Variants in OR3A2 observed in about 807,000 individuals in gnomAD.
OR3A2 encodes olfactory receptor 3A2.
For missense variants in OR3A2, 318 were observed against 392.8 expected (o/e 0.81, Z 1.61); for synonymous variants, 126 against 159.3 (o/e 0.79, Z 1.57).
At chr17:3,313,043 T>C (rs1427932863) in intron 3 of OR3A2, among the ~76,000 whole-genome samples, 1 of 152,236 alleles carries the variant, frequency 6.6e-6, no homozygotes, top group Non-Finnish European at 1.5e-5. Flanking sequence ...TAGAGGGGAA[T>C]ATCATTTGCA....
At chr17:3,365,650 C>CA (rs1373660569) in intron 2 of OR3A2, among the ~76,000 whole-genome samples, 6 of 152,194 alleles carry the variant, frequency 3.9e-5, no homozygotes, top group African/African-American at 1.4e-4. Context: ...ACTTGGAACC[C>CA]AACACCTTGA....
At chr17:3,358,909 A>C (rs773398970) in intron 2 of OR3A2, among the ~76,000 whole-genome samples, 6 of 151,580 alleles carry the variant, frequency 4.0e-5, no homozygotes, top group Admixed American at 2.6e-4. Flanking sequence ...ATTGTTCAAG[A>C]GTCTATGTCT....
At chr17:3,315,519 AT>A (rs746829819) in intron 3 of OR3A2, among the ~76,000 whole-genome samples, 13 of 151,866 alleles carry the variant, frequency 8.6e-5, no homozygotes, top group Non-Finnish European at 1.8e-4. Context: ...TTCTTTGCCC[AT>A]TTTTTAATGA....
chr17:3,283,769 G>A (rs1224503132), intron 1 of OR3A2, among the ~76,000 whole-genome samples: 10 of 151,660 alleles, frequency 6.6e-5, no homozygotes, highest in Admixed American at 6.6e-4. Flanking sequence ...AAAACAATAC[G>A]GCCCTTAGGA....
rs754555293 is a variant in OR3A2, at chr17:3,367,742, C to A, written c.-179+16062G>T. On this transcript the variant is annotated intron_variant, in intron 2 of 4. Transcript: ENST00000573491. ...AAGTATCTTTTTCACATAATGACTT[C>A]TTTTCCTCTGGGTAGATACCCAGTA... is the stretch of plus-strand genomic sequence containing the variant. Among the ~76,000 whole-genome samples the A allele has an allele frequency of 1.3e-4, 19 of 151,928 alleles. 1 individual carries two copies. In the South Asian group the frequency reaches 3.7e-3, roughly 30 times the overall value.
chr17:3,305,575 A>G (rs1567548800), intron 3 of OR3A2, among the ~76,000 whole-genome samples: 2 of 148,616 alleles, frequency 1.3e-5, no homozygotes, highest in Non-Finnish European at 3.0e-5. Context: ...ACTTTGTTGT[A>G]TTATTATTCA....
chr17:3,301,205 C>A (rs1248632045), intron 3 of OR3A2, among the ~76,000 whole-genome samples: 1 of 152,052 alleles, frequency 6.6e-6, no homozygotes, highest in Non-Finnish European at 1.5e-5. Flanking sequence ...GGGTATATAC[C>A]CAGTAATGGG....
At chr17:3,347,915 T>G (rs1362432313) in intron 2 of OR3A2, among the ~76,000 whole-genome samples, 2 of 152,240 alleles carry the variant, frequency 1.3e-5, no homozygotes, top group Non-Finnish European at 2.9e-5. Flanking sequence ...TATTGCTTCC[T>G]GACTTTTTAA....
intron 2 of OR3A2, among the ~76,000 whole-genome samples, chr17:3,364,982 C>T (rs886932391): frequency 1.3e-5 from 2 of 150,826 alleles, no homozygotes; most frequent in Admixed American, 6.6e-5. Flanking sequence ...CATTATTACA[C>T]ATAGAGAATG....
chr17:3,289,146 T>C (rs1229465005), upstream of OR3A2, among the ~76,000 whole-genome samples: 1 of 152,206 alleles, frequency 6.6e-6, no homozygotes, highest in African/African-American at 2.4e-5. Flanking sequence ...AAGCTAAACA[T>C]GAAACTATTA....
intron 2 of OR3A2, among the ~76,000 whole-genome samples, chr17:3,362,910 A>C (rs1400649108): frequency 2.0e-5 from 3 of 151,990 alleles, no homozygotes; most frequent in Admixed American, 2.0e-4. Context: ...CACTCTCTGA[A>C]ACAATGGCCT....
intron 3 of OR3A2, among the ~76,000 whole-genome samples, chr17:3,312,899 C>T (rs2049055518): frequency 6.6e-6 from 1 of 152,196 alleles, no homozygotes; most frequent in Non-Finnish European, 1.5e-5. Context: ...GCTGAGATTA[C>T]AGGTGTGAGT....
At chr17:3,351,881 T>A (rs1033056420) in intron 2 of OR3A2, among the ~76,000 whole-genome samples, 3 of 151,888 alleles carry the variant, frequency 2.0e-5, no homozygotes, top group Non-Finnish European at 2.9e-5. Context: ...TAACACCGCA[T>A]ATCTACAACT....
chr17:3,376,756 C>T (rs891131595), intron 2 of OR3A2, among the ~76,000 whole-genome samples: 2 of 151,310 alleles, frequency 1.3e-5, no homozygotes, highest in African/African-American at 4.9e-5. Context: ...CCCTGCCTGC[C>T]TTATTACAGA....
rs1011348312 is a variant in OR3A2 at position 3,379,251 on chromosome 17, G to A, written c.-179+4553C>T. 1.2e-4 allele frequency among the ~76,000 whole-genome samples: 18 copies of A among 152,124 alleles called. 1 individual carries two copies. The highest frequency in any genetic ancestry group is 4.4e-5 in the Non-Finnish European group (3 of 68,032). On this transcript the variant is annotated intron_variant, in intron 2 of 4. Coordinates refer to the OR3A2 transcript ENST00000573491. ...ACAAGACTGTCCTCAGGAGAAACTG[G>A]TCCAGCCTGGGAAGTTAGGTTGGCC...
intron 3 of OR3A2, among the ~76,000 whole-genome samples, chr17:3,314,798 G>A (rs2049068369): frequency 6.6e-6 from 1 of 152,048 alleles, no homozygotes; most frequent in Non-Finnish European, 1.5e-5. Flanking sequence ...CATCACCTTG[G>A]TCATGAACAC....
chr17:3,354,228 A>C (rs1309386750), intron 2 of OR3A2, among the ~76,000 whole-genome samples: 2 of 147,540 alleles, frequency 1.4e-5, no homozygotes, highest in African/African-American at 5.3e-5. Context: ...CTCCTCCTCT[A>C]TTTTTTGGAA....
At position 3,341,498 on chromosome 17, in the gene OR3A2, G is replaced by T. The variant is rs187029922; in HGVS notation, c.-178-5372C>A. Among the ~76,000 whole-genome samples the T allele has an allele frequency of 6.7e-3, 1,021 of 152,050 alleles. 11 individuals carry two copies. Among genetic ancestry groups the T allele is most frequent in the African/African-American group, 0.023 (939 of 41,474 alleles). ...TCTCAGCATTTGCTTGTCTGTAAAG[G>T]ATTTTATTTCTCCTTCACTTATGAA... is the stretch of plus-strand genomic sequence containing the variant. On this transcript the variant is annotated intron_variant, in intron 2 of 4. Transcript: ENST00000573491.
intron 2 of OR3A2, among the ~76,000 whole-genome samples, chr17:3,349,566 C>T (rs886673607): frequency 1.3e-5 from 2 of 152,142 alleles, no homozygotes; most frequent in Non-Finnish European, 2.9e-5. Context: ...GACTTAGACT[C>T]CCACACATTA....
Sources: gnomAD v4.1 joint callset for allele counts (sites outside exome capture counted in the v4.1 genomes callset) on GRCh38, gnomAD v4.1.1 for gene constraint, MANE v1.5 for transcripts, NCBI Gene and HGNC (gene_info 2026-07-23, HGNC 2026-07-21) for gene names.